BACE2: variants seen among roughly 807,000 people sequenced by gnomAD.
BACE2 encodes beta-secretase 2, also known as 56 kDa aspartic-like protease.
A neutral mutation model predicts 46.2 loss-of-function variants in BACE2; 17 were observed. That is an observed-to-expected ratio of 0.37 (90% CI 0.25 to 0.55). BACE2 has a LOEUF of 0.55. Ranked by LOEUF, BACE2 falls within the 20% of genes least tolerant of loss-of-function variation. BACE2 has a pLI of 0.82. For missense variants in BACE2, 595 were observed against 698.1 expected, an observed-to-expected ratio of 0.85 and a Z score of 1.66; for synonymous variants, 277 against 295.9, an observed-to-expected ratio of 0.94 and a Z score of 0.66.
chr21:41,255,070 G>C (rs1157567746), intron 7 of BACE2, among the ~76,000 whole-genome samples: 3 of 152,228 alleles, frequency 2.0e-5, no homozygotes, highest in African/African-American at 7.2e-5. Context: ...GGCTAAGAGA[G>C]AAAAGGACTG....
intron 1 of BACE2, among the ~76,000 whole-genome samples, chr21:41,197,389 C>T (rs1406088489): frequency 6.6e-6 from 1 of 151,290 alleles, no homozygotes; most frequent in African/African-American, 2.4e-5. Flanking sequence ...AAGTGACTGG[C>T]AGTGGTATGG....
chr21:41,275,834 A>G lies in BACE2; in HGVS notation c.*210A>G. On this transcript the variant is annotated 3_prime_UTR_variant, in exon 9 of 9. Transcript: ENST00000330333. ...TCCCTACTTCCAAGAAAAATAATTA[A>G]AAAAAAAACTTCATTCTAAACCAAA... 1 of 663,522 alleles carries G rather than the reference A, an allele frequency of 1.5e-6. No homozygotes were observed. 41.1% of individuals were successfully genotyped at this position (663,522 alleles called of 1,614,324 possible). A position where few individuals can be genotyped will look rare whatever the true frequency, so the allele number is the denominator to read the frequency against.
intron 1 of BACE2, chr21:41,178,351 T>G (rs992377758): frequency 6.6e-6 from 1 of 152,220 alleles, no homozygotes; most frequent in Non-Finnish European, 1.5e-5. Flanking sequence ...TGAGAAGAGT[T>G]AAAAATCACT....
chr21:41,196,466 A>G (rs1048579407), intron 1 of BACE2, among the ~76,000 whole-genome samples: 1 of 152,212 alleles, frequency 6.6e-6, no homozygotes, highest in Non-Finnish European at 1.5e-5. Context: ...CGTGTGCCTC[A>G]AAAGGGGACT....
At chr21:41,272,482 C>CT (rs896964308) in intron 8 of BACE2, among the ~76,000 whole-genome samples, 27 of 151,122 alleles carry the variant, frequency 1.8e-4, no homozygotes, top group Non-Finnish European at 3.3e-4. Flanking sequence ...CTCTCTCTCT[C>CT]TTTTTTTTCA....
chr21:41,193,867 G>A lies in BACE2; in HGVS notation c.312+25292G>A, dbSNP rs1985653733. ...CCTCTGGAATTAACGTCAGCTCAGA[G>A]CCAGTGTCCAGTAGTCCCTGAAATG... On this transcript the variant is annotated intron_variant, in intron 1 of 8. Transcript: ENST00000330333. This position sits in a 1 kb window ranked among gnomAD's most constrained non-coding sequence, Gnocchi z 4.2. Among the ~76,000 whole-genome samples the A allele has an allele frequency of 1.3e-5, 2 of 152,288 alleles. No individual in the cohort carries two copies. Among genetic ancestry groups the A allele is most frequent in the South Asian group, 4.1e-4 (2 of 4,820 alleles).
intron 7 of BACE2, among the ~76,000 whole-genome samples, chr21:41,254,677 G>T (rs1304899604): frequency 6.6e-6 from 1 of 152,178 alleles, no homozygotes; most frequent in Non-Finnish European, 1.5e-5. Flanking sequence ...TTGTGTTCAG[G>T]TTTGACCCAT....
Position 41,181,640 on chromosome 21 carries a change from T to G in BACE2, c.312+13065T>G, listed in dbSNP as rs190143726. ...GTTATGAGTGCACTGGAGATATAGA[T>G]GCCCAACTTCCCAGATTCCGATAAT... On this transcript the variant is annotated intron_variant, in intron 1 of 8. Transcript: ENST00000330333. 2.4e-5 allele frequency: 4 copies of G among 167,166 alleles called. No individual in the cohort carries two copies. The Admixed American group carries it at 2.6e-4, about 11-fold the overall frequency. The allele number at this position is 167,166 out of a possible 1,614,324, so 10.4% of individuals were successfully genotyped here.
intron 6 of BACE2, among the ~76,000 whole-genome samples, chr21:41,247,747 AT>A (rs1987515497): frequency 6.6e-6 from 1 of 152,206 alleles, no homozygotes; most frequent in African/African-American, 2.4e-5. Flanking sequence ...AGATCACAAC[AT>A]TTGTTTGCGT....
rs1203377154 is a variant in BACE2 at position 41,251,801 on chromosome 21, G to GA, written c.1134+908dup. Reference sequence around the variant, plus strand: ...GGCGACAGAGTGAGACTCTGTCTCAGAAAAAAAACAAAAAACAAAAAAGAA... The same window carrying GA: ...GGCGACAGAGTGAGACTCTGTCTCAGAAAAAAAAACAAAAAACAAAAAAGAA... On this transcript the variant is annotated intron_variant, in intron 7 of 8. Coordinates refer to ENST00000330333, the MANE Select transcript of BACE2 (RefSeq NM_012105.5). Among the ~76,000 whole-genome samples, 12 of 150,006 alleles carry GA rather than the reference G, an allele frequency of 8.0e-5. No individual in the cohort carries two copies. In the East Asian group the frequency reaches 1.2e-3, roughly 15 times the overall value.
intron 1 of BACE2, among the ~76,000 whole-genome samples, chr21:41,211,471 A>T (rs562025841): frequency 6.6e-5 from 10 of 152,226 alleles, no homozygotes; most frequent in Non-Finnish European, 1.3e-4. Flanking sequence ...GGCGCATGAC[A>T]ATTATTTTTG....
At chr21:41,229,046 C>T (rs973467759) in intron 2 of BACE2, among the ~76,000 whole-genome samples, 2 of 152,184 alleles carry the variant, frequency 1.3e-5, no homozygotes, top group Admixed American at 6.5e-5. Context: ...CATGACTGCC[C>T]TTCACATTCC....
At chr21:41,218,988 G>A (rs767283713) in intron 1 of BACE2, among the ~76,000 whole-genome samples, 6 of 151,524 alleles carry the variant, frequency 4.0e-5, no homozygotes, top group Admixed American at 2.0e-4. Context: ...TCAGCCTCCC[G>A]AGTAGCTGGG....
rs200849448 is a variant in BACE2, at chr21:41,198,847, C to CTTTT, written c.313-27417_313-27414dup. Among the ~76,000 whole-genome samples, 568 of 138,868 alleles carry CTTTT rather than the reference C, an allele frequency of 4.1e-3. 8 individuals are homozygous for CTTTT. Among genetic ancestry groups the CTTTT allele is most frequent in the African/African-American group, 0.015 (537 of 35,638 alleles). 91.1% of individuals were successfully genotyped at this position (138,868 alleles called of 152,430 possible). ...TGATGTGTTGGTGGATCTCTGTACG[C>CTTTT]TTTTTATTTATTTATTTATTTATTT... On this transcript the variant is annotated intron_variant, in intron 1 of 8. Coordinates refer to ENST00000330333, the MANE Select transcript of BACE2 (RefSeq NM_012105.5).
intron 6 of BACE2, 112 bp downstream of exon 6, chr21:41,246,175 A>G (rs959519157): frequency 2.1e-5 from 13 of 617,282 alleles, no homozygotes; most frequent in African/African-American, 2.0e-4. Flanking sequence ...TGTATTTCCA[A>G]TTTTCATATT....
intron 1 of BACE2, among the ~76,000 whole-genome samples, chr21:41,221,954 G>C (rs1271800484): frequency 6.6e-6 from 1 of 152,240 alleles, no homozygotes; most frequent in South Asian, 2.1e-4. Context: ...ACGCTGGTGG[G>C]GCGGAGGCAG....
chr21:41,224,209 A>ATTTTTTTTTTTTTTTTT (rs10658440), intron 1 of BACE2, among the ~76,000 whole-genome samples: 1 of 98,906 alleles, frequency 1.0e-5, no homozygotes, highest in Non-Finnish European at 1.9e-5. Context: ...GCCTATTTTG[A>ATTTTTTTTTTTTTTTTT]TTTTTTTTTT....
chr21:41,214,344 G>A (rs776265190), intron 1 of BACE2, among the ~76,000 whole-genome samples: 13 of 152,182 alleles, frequency 8.5e-5, no homozygotes, highest in Non-Finnish European at 1.6e-4. Flanking sequence ...AGACGTCCAC[G>A]TTCAGGACAT....
Position 41,168,341 on chromosome 21 carries a change from C to A in BACE2, c.78C>A (p.Pro26=), listed in dbSNP as rs1411149166. The stretch of plus-strand genomic sequence containing the variant: ...TGCGCGCCGCCCCGGAGCTGGCCCC[C>A]GCGCCCTTCACGCTGCCCCTCCGGG... ...WLLRAAPELA[P]APFTLPLRVA... Residue 26 remains proline, a synonymous_variant, in exon 1 of 9, where the codon CCC becomes CCA. Transcript: ENST00000330333. 5 of 1,372,634 alleles carry A rather than the reference C, an allele frequency of 3.6e-6. No individual in the cohort carries two copies. In the African/African-American group the frequency reaches 6.1e-5, roughly 17 times the overall value. The allele number at this position is 1,372,634 out of a possible 1,614,324, so 85.0% of individuals were successfully genotyped here.
Sources: allele counts gnomAD v4.1 joint callset (sites outside exome capture counted in the v4.1 genomes callset), GRCh38; gene constraint gnomAD v4.1.1; non-coding constraint Gnocchi (gnomAD v3.1); transcripts MANE v1.5; gene names NCBI Gene and HGNC (gene_info 2026-07-23, HGNC 2026-07-21).